Variants in COLEC10 observed in about 807,000 individuals in gnomAD.
The protein encoded by COLEC10 is collectin subfamily member 10.
Under a neutral mutation model 28.4 loss-of-function variants are expected in COLEC10, and 22 were observed. The ratio of observed to expected loss-of-function variants is 0.78; its 90% CI spans 0.55 to 1.11. The LOEUF (loss-of-function observed/expected upper bound fraction) is 1.11. Among genes scored for constraint, COLEC10 ranks in the 50% least tolerant of loss-of-function variants. COLEC10 has a pLI of 0.00. For missense variants in COLEC10, 361 were observed against 344.1 expected (o/e 1.05, Z -0.39); for synonymous variants, 125 against 116.1 (o/e 1.08, Z -0.49).
intron 3 of COLEC10, among the ~76,000 whole-genome samples, chr8:119,095,190 GA>G (rs1439915728): frequency 2.0e-5 from 3 of 152,056 alleles, no homozygotes; most frequent in South Asian, 2.1e-4. Context: ...AATTTAAAAA[GA>G]GACCATTTAT....
chr8:118,976,103 T>G, the COLEC10 span, among the ~76,000 whole-genome samples: 3 of 152,094 alleles, frequency 2.0e-5, no homozygotes, highest in African/African-American at 7.2e-5. Context: ...AGCCTTTCAC[T>G]CCTTTAAAAA....
At chr8:119,067,723 C>G (rs1815001470) in intron 1 of COLEC10, 1 of 278,408 alleles carries the variant, frequency 3.6e-6, no homozygotes, top group Middle Eastern at 1.1e-3. Flanking sequence ...GGCAGATGCA[C>G]AATCCAGGCA....
chr8:119,072,949 T>C (rs560055987), intron 1 of COLEC10, among the ~76,000 whole-genome samples: 1 of 152,314 alleles, frequency 6.6e-6, no homozygotes, highest in African/African-American at 2.4e-5. Context: ...ACAACTTGAA[T>C]TATTTCCCAA....
intron 1 of COLEC10, among the ~76,000 whole-genome samples, chr8:119,073,288 C>T (rs1159290257): frequency 6.6e-6 from 1 of 152,152 alleles, no homozygotes; most frequent in Non-Finnish European, 1.5e-5. Context: ...ATATCTTTCT[C>T]ATTAAGCATA....
At chr8:119,019,302 A>G (rs1471961855) in intron 2 of COLEC10, among the ~76,000 whole-genome samples, 1 of 152,126 alleles carries the variant, frequency 6.6e-6, no homozygotes, top group East Asian at 1.9e-4. Flanking sequence ...CTGGAAGCCT[A>G]TGTTCTCTGT....
intron 2 of COLEC10, among the ~76,000 whole-genome samples, chr8:119,045,845 T>C (rs1041695524): frequency 6.6e-6 from 1 of 152,226 alleles, no homozygotes; most frequent in Non-Finnish European, 1.5e-5. Flanking sequence ...TTTCAGACAG[T>C]TATGGTTTAG....
At position 119,002,847 on chromosome 8, in the gene COLEC10, T is replaced by A. The variant is rs1360290604; in HGVS notation, n.123-6594T>A. On this transcript the variant is annotated intron_variant and non_coding_transcript_variant, in intron 1 of 6. Coordinates refer to the COLEC10 transcript ENST00000521788. The stretch of plus-strand genomic sequence containing the variant: ...CATAGCATATATCACTGAAGACAGC[T>A]GGGAGCATAATTTCAAATCTTGGGT... 2.0e-5 allele frequency among the ~76,000 whole-genome samples: 3 copies of A among 152,178 alleles called. No homozygotes were observed. The East Asian group carries it at 5.8e-4, about 29-fold the overall frequency.
intron 1 of COLEC10, among the ~76,000 whole-genome samples, chr8:119,004,611 A>G (rs1813757405): frequency 6.6e-6 from 1 of 151,556 alleles, no homozygotes; most frequent in South Asian, 2.1e-4. Flanking sequence ...GAGAATATCA[A>G]TGCAGAGATA....
At chr8:119,072,191 G>A (rs1333037047) in intron 1 of COLEC10, among the ~76,000 whole-genome samples, 1 of 152,062 alleles carries the variant, frequency 6.6e-6, no homozygotes, top group African/African-American at 2.4e-5. Context: ...CCACAAGGCA[G>A]AGCAAAGCTC....
intron 2 of COLEC10, among the ~76,000 whole-genome samples, chr8:119,034,245 G>A (rs1814346053): frequency 6.6e-6 from 1 of 152,064 alleles, no homozygotes; most frequent in Non-Finnish European, 1.5e-5. Context: ...CCTATTGGAG[G>A]ATGGGGGGTG....
At chr8:118,969,693 C>CTTTT in the COLEC10 span, among the ~76,000 whole-genome samples, 3 of 139,422 alleles carry the variant, frequency 2.2e-5, no homozygotes, top group African/African-American at 5.3e-5. Flanking sequence ...TTCTTTCTTT[C>CTTTT]TTTTTTTTTT....
At chr8:118,980,075 A>T in the COLEC10 span, among the ~76,000 whole-genome samples, 1 of 152,080 alleles carries the variant, frequency 6.6e-6, no homozygotes, top group African/African-American at 2.4e-5. Flanking sequence ...GAAGTCATAT[A>T]ATTTCTGCCA....
At chr8:119,105,382 G>A (rs1481463087) in intron 5 of COLEC10, among the ~76,000 whole-genome samples, 2 of 152,136 alleles carry the variant, frequency 1.3e-5, no homozygotes, top group Non-Finnish European at 2.9e-5. Flanking sequence ...GAGATCTAAA[G>A]GGATGAGTAG....
chr8:119,055,730 A>G (rs1243901322), intron 2 of COLEC10, among the ~76,000 whole-genome samples: 1 of 152,104 alleles, frequency 6.6e-6, no homozygotes, highest in Non-Finnish European at 1.5e-5. Flanking sequence ...TTAAGTATCA[A>G]TTTCCTTTTT....
chr8:118,989,548 C>T, the COLEC10 span, among the ~76,000 whole-genome samples: 1 of 148,230 alleles, frequency 6.7e-6, no homozygotes, highest in Non-Finnish European at 1.5e-5. Flanking sequence ...CACACACACA[C>T]ACACACACAC....
At chr8:118,994,086 G>T (rs1423240053), upstream of COLEC10, among the ~76,000 whole-genome samples, 1 of 152,114 alleles carries the variant, frequency 6.6e-6, no homozygotes, top group Non-Finnish European at 1.5e-5. Context: ...AGGGTTTTAG[G>T]GGTACCTTGA....
chr8:119,046,166 A>T (rs1814585382), intron 2 of COLEC10, among the ~76,000 whole-genome samples: 1 of 152,168 alleles, frequency 6.6e-6, no homozygotes, highest in Non-Finnish European at 1.5e-5. Context: ...TCATCTCAAC[A>T]TTGATTTCTT....
chr8:119,038,108 C>T (rs948018671), intron 2 of COLEC10, among the ~76,000 whole-genome samples: 4 of 152,144 alleles, frequency 2.6e-5, no homozygotes, highest in East Asian at 1.9e-4. Flanking sequence ...AGTTGATTCT[C>T]GCTATTTGCT....
the COLEC10 span, among the ~76,000 whole-genome samples, chr8:118,981,678 A>C: frequency 6.6e-6 from 1 of 152,136 alleles, no homozygotes; most frequent in Non-Finnish European, 1.5e-5. Context: ...GTTACTTTAT[A>C]TATCCAAAGA....
Sources: gnomAD v4.1 joint callset for allele counts (sites outside exome capture counted in the v4.1 genomes callset) on GRCh38, gnomAD v4.1.1 for gene constraint, MANE v1.5 for transcripts, NCBI Gene and HGNC (gene_info 2026-07-23, HGNC 2026-07-21) for gene names.